The following RNPEPL1 variants were observed in gnomAD, a reference collection of about 807,000 sequenced individuals.
The protein encoded by RNPEPL1 is arginyl aminopeptidase like 1.
Under a neutral mutation model 69.0 loss-of-function variants are expected in RNPEPL1, and 46 were observed. The ratio of observed to expected loss-of-function variants is 0.67; its 90% CI spans 0.53 to 0.85. RNPEPL1 has a LOEUF of 0.85. RNPEPL1 is among the 40% of genes least tolerant of loss of function. The probability of loss-of-function intolerance (pLI) is 0.00; values close to 1 mark genes in which losing one functional copy is unlikely to be tolerated. For missense variants in RNPEPL1, 869 were observed against 992.5 expected, an observed-to-expected ratio of 0.88 and a Z score of 1.67; for synonymous variants, 525 against 454.1, an observed-to-expected ratio of 1.16 and a Z score of -1.98.
In RNPEPL1 at chr2:240,569,043, C is replaced by T. The variant is rs2093013455; in HGVS notation, c.457C>T (p.Leu153=). 6.6e-7 allele frequency: 1 copy of T among 1,511,602 alleles called. No homozygotes were observed. Among genetic ancestry groups the T allele is most frequent in the South Asian group, 1.2e-5 (1 of 82,408 alleles). 93.6% of individuals were successfully genotyped at this position (1,511,602 alleles called of 1,614,324 possible). A position where few individuals can be genotyped will look rare whatever the true frequency, so the allele number is the denominator to read the frequency against. The change falls in exon 1 of 11, where the codon CTG becomes TTG. Residue 153 remains leucine, a synonymous_variant. Coordinates refer to ENST00000270357, the MANE Select transcript of RNPEPL1 (RefSeq NM_018226.6). ...CTACGGCTCCTCGCTCACCGTCACG[C>T]TGCCGCCCGAGCTGCAGGCGCACCA... is the stretch of plus-strand genomic sequence containing the variant. The part of the protein sequence containing the change: ...TDYGSSLTVT[L]PPELQAHQPF...
chr2:240,571,398 AAGAG>A (rs1354791560), intron 1 of RNPEPL1, among the ~76,000 whole-genome samples: 1 of 152,170 alleles, frequency 6.6e-6, no homozygotes, highest in Admixed American at 6.5e-5. Context: ...CCTCTGCACG[AAGAG>A]CAATTCAGTT....
At chr2:240,571,651 G>C (rs1281051363) in intron 1 of RNPEPL1, among the ~76,000 whole-genome samples, 1 of 151,380 alleles carries the variant, frequency 6.6e-6, no homozygotes, top group Non-Finnish European at 1.5e-5. Flanking sequence ...CGGCATCTAG[G>C]GGTGAGGAAA....
chr2:240,573,081 C>CA, intron 2 of RNPEPL1, 29 bp from the exon 3 acceptor site: 1 of 1,565,254 alleles, frequency 6.4e-7, no homozygotes, highest in Non-Finnish European at 8.7e-7. Context: ...ACGGTGGGGC[C>CA]ACCCGGTCTC....
intron 8 of RNPEPL1, chr2:240,576,199 G>A (rs2093037239): frequency 9.8e-6 from 4 of 407,388 alleles, no homozygotes; most frequent in South Asian, 7.5e-5. Flanking sequence ...CCCCCATCCC[G>A]CCCCTGCTGG....
intron 1 of RNPEPL1, among the ~76,000 whole-genome samples, chr2:240,569,679 C>T (rs958652144): frequency 3.9e-5 from 6 of 152,184 alleles, no homozygotes; most frequent in African/African-American, 1.4e-4. Flanking sequence ...CTGAGGCTGG[C>T]GCTGTGGCTG....
intron 8 of RNPEPL1, chr2:240,575,926 G>A (rs577602841): frequency 2.5e-6 from 1 of 408,074 alleles, no homozygotes; most frequent in East Asian, 4.8e-5. Context: ...TCCTGGAGCT[G>A]GAGAACAGCA....
chr2:240,570,668 C>T (rs2093018657), intron 1 of RNPEPL1, among the ~76,000 whole-genome samples: 1 of 152,188 alleles, frequency 6.6e-6, no homozygotes, highest in South Asian at 2.1e-4. Flanking sequence ...TGCTTGGGCC[C>T]ATTCCCGCAC....
At chr2:240,577,512 A>G in intron 10 of RNPEPL1, 87 bp from the exon 11 acceptor site, 1 of 1,419,536 alleles carries the variant, frequency 7.0e-7, no homozygotes, top group South Asian at 1.4e-5. Flanking sequence ...AGCCAGGGGC[A>G]GGAGGGCCGC....
chr2:240,576,286 T>C (rs1476947953), intron 8 of RNPEPL1: 2 of 575,824 alleles, frequency 3.5e-6, no homozygotes, highest in South Asian at 2.2e-5. Context: ...AGGAGAGGCG[T>C]GGAGTGGGTG....
chr2:240,569,187 C>T, intron 1 of RNPEPL1, 73 bp downstream of exon 1: 1 of 1,355,854 alleles, frequency 7.4e-7, no homozygotes, highest in South Asian at 1.7e-5. Context: ...GCCGCACGGC[C>T]AGGCTGAGGG....
Position 240,577,655 on chromosome 2 carries a change from G to C in RNPEPL1, c.1941G>C (p.Lys647Asn), listed in dbSNP as rs377478163. ...LYEDLCTGAL[K>N]SFALEVFYQT... ...AGGACCTCTGCACCGGTGCCCTCAA[G>C]TCCTTCGCGCTGGAGGTCTTCTACC... Residue 647 changes from lysine to asparagine, a missense_variant, in exon 11 of 11, where the codon AAG becomes AAC. Physicochemically the swap from Lys to Asn is moderately conservative, Grantham distance 94. Transcript: ENST00000270357. 6.2e-7 allele frequency: 1 copy of C among 1,611,890 alleles called. No individual in the cohort carries two copies. Among genetic ancestry groups the C allele is most frequent in the African/African-American group, 1.3e-5 (1 of 74,912 alleles).
intron 4 of RNPEPL1, 60 bp from the exon 5 acceptor site, chr2:240,574,053 G>T (rs2093030487): frequency 1.3e-5 from 19 of 1,497,738 alleles, no homozygotes; most frequent in Non-Finnish European, 1.7e-5. Context: ...TGGGGTGCGG[G>T]TGTGCAGGGT....
At chr2:240,573,075 T>TGTGAGACG (rs1444381038) in intron 2 of RNPEPL1, 35 bp from the exon 3 acceptor site, 16 of 1,558,074 alleles carry the variant, frequency 1.0e-5, no homozygotes, top group Non-Finnish European at 1.4e-5. Context: ...GTGCTGACGG[T>TGTGAGACG]GGGGCCACCC....
At chr2:240,570,356 C>G (rs573980589) in intron 1 of RNPEPL1, among the ~76,000 whole-genome samples, 8 of 152,202 alleles carry the variant, frequency 5.3e-5, no homozygotes, top group Admixed American at 5.2e-4. Flanking sequence ...CATAGTCCCC[C>G]AAGTCTGCGT....
chr2:240,572,849 T>C (rs2093025837), intron 2 of RNPEPL1, among the ~76,000 whole-genome samples: 1 of 152,242 alleles, frequency 6.6e-6, no homozygotes, highest in South Asian at 2.1e-4. Context: ...ACAGAGCTGC[T>C]GATCCCCAGT....
At chr2:240,573,082 A>G in intron 2 of RNPEPL1, 28 bp from the exon 3 acceptor site, 1 of 1,566,670 alleles carries the variant, frequency 6.4e-7, no homozygotes, top group Non-Finnish European at 8.7e-7. Flanking sequence ...CGGTGGGGCC[A>G]CCCGGTCTCA....
chr2:240,569,496 A>G (rs2093015109), intron 1 of RNPEPL1, among the ~76,000 whole-genome samples: 1 of 152,272 alleles, frequency 6.6e-6, no homozygotes, highest in Admixed American at 6.5e-5. Context: ...AGCCAGAGGC[A>G]GAGGAAAGGG....
chr2:240,579,375 A>G lies in RNPEPL1; in HGVS notation c.*1483A>G, dbSNP rs569337043. On this transcript the variant is annotated 3_prime_UTR_variant, in exon 11 of 11. Transcript: ENST00000270357. ...GCCCCTCCCCTCCCCTCCCAAGGAC[A>G]TATGAGTCCCCTCCAGTGGCGGTGG... is the stretch of plus-strand genomic sequence containing the variant. The G allele has an allele frequency of 2.0e-5, 3 of 150,734 alleles. No individual in the cohort carries two copies. Among genetic ancestry groups the G allele is most frequent in the Non-Finnish European group, 4.4e-5 (3 of 67,596 alleles). 9.3% of individuals were successfully genotyped at this position (150,734 alleles called of 1,614,324 possible). A position where few individuals can be genotyped will look rare whatever the true frequency, so the allele number is the denominator to read the frequency against.
rs769221485 is a variant in RNPEPL1 at position 240,575,627 on chromosome 2, A to G, written c.1510+17A>G. On this transcript the variant is annotated intron_variant, in intron 8 of 10. Transcript: ENST00000270357. ...GCCGGGCAGGTGAGGCTGACCCCCA[A>G]CCCTGCAGCCAGGGAGCCGTGGGTA... The G allele has an allele frequency of 2.5e-6, 4 of 1,600,958 alleles. No individual in the cohort carries two copies. The highest frequency in any genetic ancestry group is 3.4e-6 in the Non-Finnish European group (4 of 1,169,142).
Sources: gnomAD v4.1 joint callset for allele counts (sites outside exome capture counted in the v4.1 genomes callset) on GRCh38, gnomAD v4.1.1 for gene constraint, MANE v1.5 for transcripts, NCBI Gene and HGNC (gene_info 2026-07-23, HGNC 2026-07-21) for gene names.